Variants in PGM5 observed in about 807,000 individuals in gnomAD.
PGM5 encodes phosphoglucomutase-like protein 5.
A neutral mutation model predicts 59.2 loss-of-function variants in PGM5; 23 were observed. That is an observed-to-expected ratio of 0.39 (90% CI 0.28 to 0.55). The LOEUF is 0.55. PGM5 is among the 20% of genes least tolerant of loss of function. The probability of loss-of-function intolerance (pLI) is 0.66; values close to 1 mark genes in which losing one functional copy is unlikely to be tolerated. For synonymous variants in PGM5, 214 were observed against 286.0 expected (o/e 0.75, Z 2.54); for missense variants, 574 against 748.3 (o/e 0.77, Z 2.72).
chr9:68,420,263 T>G (rs1047675681), intron 6 of PGM5, among the ~76,000 whole-genome samples: 2 of 152,144 alleles, frequency 1.3e-5, no homozygotes, highest in Non-Finnish European at 2.9e-5. Context: ...TCATCTGTGA[T>G]TCTGTGGGTT....
At chr9:68,376,475 CTGTGTGTG>C (rs71353047) in intron 1 of PGM5, among the ~76,000 whole-genome samples, 5,433 of 129,610 alleles carry the variant, frequency 0.042, 157 homozygotes, top group East Asian at 0.12. Context: ...TGCTTTTGAG[CTGTGTGTG>C]TGTGTGTGTG....
At chr9:68,403,358 T>C (rs1822717304) in intron 6 of PGM5, among the ~76,000 whole-genome samples, 2 of 152,226 alleles carry the variant, frequency 1.3e-5, no homozygotes, top group Non-Finnish European at 2.9e-5. Flanking sequence ...TGTTGTATAA[T>C]TATTTCAGTA....
chr9:68,443,616 T>A (rs1430712411), intron 6 of PGM5, among the ~76,000 whole-genome samples: 2 of 152,184 alleles, frequency 1.3e-5, no homozygotes, highest in Non-Finnish European at 2.9e-5. Context: ...CTTTATCAAC[T>A]CTCCTCCAAA....
At chr9:68,483,323 G>A (rs1461017171) in intron 8 of PGM5, among the ~76,000 whole-genome samples, 1 of 152,184 alleles carries the variant, frequency 6.6e-6, no homozygotes, top group African/African-American at 2.4e-5. Flanking sequence ...TAGATAGATG[G>A]TCAGAGAAGG....
intron 6 of PGM5, chr9:68,405,508 C>T (rs1273240578): frequency 6.6e-6 from 1 of 152,448 alleles, no homozygotes; most frequent in Admixed American, 6.5e-5. Flanking sequence ...CAGTGGTATT[C>T]AAATTGGAAC....
intron 6 of PGM5, among the ~76,000 whole-genome samples, chr9:68,403,902 A>G (rs1554680894): frequency 6.6e-6 from 1 of 152,226 alleles, no homozygotes; most frequent in Non-Finnish European, 1.5e-5. Flanking sequence ...ACTACTGTTT[A>G]GTAAAACTCT....
At chr9:68,451,007 G>A (rs782503407) in intron 6 of PGM5, among the ~76,000 whole-genome samples, 37 of 152,248 alleles carry the variant, frequency 2.4e-4, no homozygotes, top group South Asian at 8.3e-4. Context: ...CTTATTGTGC[G>A]AGAAATAACC....
intron 6 of PGM5, among the ~76,000 whole-genome samples, chr9:68,456,023 C>T (rs1554684797): frequency 6.6e-6 from 1 of 152,144 alleles, no homozygotes; most frequent in East Asian, 1.9e-4. Flanking sequence ...TAATAGGTTG[C>T]TTCTGATTTA....
intron 6 of PGM5, chr9:68,394,461 G>A (rs1290980475): frequency 2.0e-5 from 3 of 152,044 alleles, no homozygotes; most frequent in Non-Finnish European, 4.4e-5. Context: ...GAGAACAAGA[G>A]TGAAACTCTG....
rs1244975009 is a variant in PGM5 at position 68,357,175 on chromosome 9, C to A, written c.48C>A (p.Tyr16Ter). ...IPVLTVPTAP[Y>*]EDQRPAGGGG... The stretch of plus-strand genomic sequence containing the variant: ...TGCTGACAGTGCCCACCGCGCCCTA[C>A]GAGGACCAGCGGCCGGCCGGCGGCG... Residue 16 changes from tyrosine to a stop codon, truncating the protein, a stop_gained, in exon 1 of 11, where the codon TAC becomes TAA. Transcript: ENST00000396396. LOFTEE classifies it high-confidence loss of function. The A allele has an allele frequency of 6.5e-7, 1 of 1,537,724 alleles. No homozygotes were observed. Among genetic ancestry groups the A allele is most frequent in the Admixed American group, 2.0e-5 (1 of 50,834 alleles).
At chr9:68,507,640 A>C (rs1041247575) in intron 10 of PGM5, among the ~76,000 whole-genome samples, 2 of 150,294 alleles carry the variant, frequency 1.3e-5, no homozygotes, top group African/African-American at 4.9e-5. Context: ...GGTGGGTTAG[A>C]TTTCCCTCTA....
chr9:68,451,706 G>A lies in PGM5; in HGVS notation c.1044-13387G>A, dbSNP rs151243905. Among the ~76,000 whole-genome samples the A allele has an allele frequency of 7.9e-5, 12 of 152,328 alleles. No homozygotes were observed. In the East Asian group the frequency reaches 2.3e-3, roughly 29 times the overall value. Reference sequence around the variant, plus strand: ...CAGGGCCTCTCTCCATTGTGTGACTGTCTCTGAAGGGTGTAGTCTACTTCC... The same window carrying A: ...CAGGGCCTCTCTCCATTGTGTGACTATCTCTGAAGGGTGTAGTCTACTTCC... On this transcript the variant is annotated intron_variant, in intron 6 of 10. Coordinates refer to ENST00000396396, the MANE Select transcript of PGM5 (RefSeq NM_021965.4).
rs1554679472 is a variant in PGM5 at position 68,391,620 on chromosome 9, T to C, written c.784T>C (p.Phe262Leu). 2 of 1,613,200 alleles carry C rather than the reference T, an allele frequency of 1.2e-6. No homozygotes were observed. The highest frequency in any genetic ancestry group is 1.7e-6 in the Non-Finnish European group (2 of 1,179,478). The change falls in exon 5 of 11, where the codon TTT becomes CTT. Residue 262 changes from phenylalanine (F) to leucine (L), a missense_variant. By Grantham distance (22) the Phe-to-Leu change is conservative. This residue lies in a region of PGM5 where 34 missense variants were observed against 48.1 expected (regional missense o/e 0.71). Coordinates refer to ENST00000396396, the MANE Select transcript of PGM5 (RefSeq NM_021965.4). ...AATAAACTGTGTTCCCCTGGAAGACTTTGGAGGGCAGCACCCTGACCCAAA... is the reference window on the plus strand; with the variant it reads ...AATAAACTGTGTTCCCCTGGAAGACCTTGGAGGGCAGCACCCTGACCCAAA... The part of the protein sequence containing the change: ...SAINCVPLED[F>L]GGQHPDPNLT...
chr9:68,358,626 T>G (rs1325323565), intron 1 of PGM5, among the ~76,000 whole-genome samples: 2 of 152,076 alleles, frequency 1.3e-5, no homozygotes, highest in African/African-American at 2.4e-5. Flanking sequence ...ATTCCCTCCT[T>G]CCTTCCCAAC....
chr9:68,474,385 C>G (rs1337415245), intron 7 of PGM5, among the ~76,000 whole-genome samples: 1 of 152,156 alleles, frequency 6.6e-6, no homozygotes, highest in Non-Finnish European at 1.5e-5. Flanking sequence ...TGTGTCCATA[C>G]TGGTGTTTCC....
At chr9:68,456,456 GCC>G (rs1823778254) in intron 6 of PGM5, among the ~76,000 whole-genome samples, 1 of 149,790 alleles carries the variant, frequency 6.7e-6, no homozygotes, top group Admixed American at 6.6e-5. Context: ...GACTACAGGT[GCC>G]TGCCACCACG....
At chr9:68,373,028 T>C (rs1821781625) in intron 1 of PGM5, among the ~76,000 whole-genome samples, 1 of 151,400 alleles carries the variant, frequency 6.6e-6, no homozygotes, top group South Asian at 2.1e-4. Flanking sequence ...GAGACAAACA[T>C]CTAAACCATA....
intron 10 of PGM5, among the ~76,000 whole-genome samples, chr9:68,509,662 G>T (rs1167684487): frequency 6.6e-6 from 1 of 151,326 alleles, no homozygotes; most frequent in African/African-American, 2.4e-5. Flanking sequence ...GAAAATGTGG[G>T]TGAAGCCTTT....
At chr9:68,388,484 T>C (rs1347602433) in intron 4 of PGM5, among the ~76,000 whole-genome samples, 1 of 151,500 alleles carries the variant, frequency 6.6e-6, no homozygotes, top group Non-Finnish European at 1.5e-5. Flanking sequence ...ATCACCATGG[T>C]AGTAATTCTT....
Sources: allele counts gnomAD v4.1 joint callset (sites outside exome capture counted in the v4.1 genomes callset), GRCh38; gene constraint gnomAD v4.1.1; regional missense constraint gnomAD v4.1.1; transcripts MANE v1.5; gene names NCBI Gene and HGNC (gene_info 2026-07-23, HGNC 2026-07-21).